OPHN1: variants seen among roughly 807,000 people sequenced by gnomAD.
The protein encoded by OPHN1 is oligophrenin-1.
A neutral mutation model predicts 60.7 loss-of-function variants in OPHN1; 11 were observed. That is an observed-to-expected ratio of 0.18 (90% CI 0.11 to 0.30). The LOEUF is 0.30. Ranked by LOEUF, OPHN1 falls within the 10% of genes least tolerant of loss-of-function variation. The pLI, the probability that OPHN1 is intolerant of heterozygous loss-of-function variation, is 1.00. For missense variants in OPHN1, 449 were observed against 611.0 expected (o/e 0.73, Z 2.80); for synonymous variants, 226 against 222.6 (o/e 1.02, Z -0.14).
intron 19 of OPHN1, among the ~76,000 whole-genome samples, chrX:68,091,151 A>T (rs1208928184): frequency 9.0e-6 from 1 of 111,464 alleles, no homozygotes; most frequent in African/African-American, 3.3e-5. Flanking sequence ...GCCACTTACT[A>T]CACTCAATGC....
chrX:68,359,632 G>A (rs778375895), intron 2 of OPHN1, among the ~76,000 whole-genome samples: 25 of 109,795 alleles, frequency 2.3e-4, no homozygotes, highest in Admixed American at 3.9e-4. Flanking sequence ...CAAGGTGGGC[G>A]GATCACGAGG....
In OPHN1 at chrX:68,388,459, C is replaced by CA. The variant is rs779652561; in HGVS notation, c.154+44407dup. 8.3e-3 allele frequency among the ~76,000 whole-genome samples: 506 copies of CA among 60,734 alleles called. 2 individuals are homozygous for CA. The highest frequency in any genetic ancestry group is 0.012 in the South Asian group (16 of 1,389). 52.7% of individuals were successfully genotyped at this position (60,734 alleles called of 115,157 possible). On this transcript the variant is annotated intron_variant, in intron 2 of 24. Coordinates refer to ENST00000355520, the MANE Select transcript of OPHN1 (RefSeq NM_002547.3). ...TGGGTGATAGAGGGAGACTCTGTCTCAAAAAAAAAAAAAAAGAAGTTTGGT... is the reference window on the plus strand; with the variant it reads ...TGGGTGATAGAGGGAGACTCTGTCTCAAAAAAAAAAAAAAAAGAAGTTTGGT...
chrX:68,331,459 C>T (rs1487789576), intron 2 of OPHN1, among the ~76,000 whole-genome samples: 2 of 109,456 alleles, frequency 1.8e-5, no homozygotes, highest in East Asian at 2.9e-4. Context: ...GGGCCAGGTG[C>T]GGTGGCTCAA....
chrX:68,088,573 A>T (rs1229795874), intron 19 of OPHN1, among the ~76,000 whole-genome samples: 2 of 111,660 alleles, frequency 1.8e-5, no homozygotes, highest in Non-Finnish European at 3.8e-5. Flanking sequence ...GACTTAGTAG[A>T]TACCAAGGTA....
Position 68,225,031 on chromosome X carries a change from C to T in OPHN1, c.486+9456G>A, listed in dbSNP as rs776005969. On this transcript the variant is annotated intron_variant, in intron 6 of 24. Coordinates refer to ENST00000355520, the MANE Select transcript of OPHN1 (RefSeq NM_002547.3). ...TCGGGACACTCCCACCCTAATACTG[C>T]GCTTTTCCAACGGTCTTAGCAAATG... Among the ~76,000 whole-genome samples the T allele has an allele frequency of 8.0e-5, 9 of 112,287 alleles. No homozygotes were observed. The East Asian group carries it at 8.5e-4, about 11-fold the overall frequency.
At chrX:68,239,417 G>A (rs1054112347) in intron 5 of OPHN1, among the ~76,000 whole-genome samples, 4 of 110,939 alleles carry the variant, frequency 3.6e-5, no homozygotes, top group Admixed American at 9.6e-5. Flanking sequence ...GGGTGGTCTT[G>A]GAAAATGCAA....
intron 6 of OPHN1, among the ~76,000 whole-genome samples, chrX:68,218,475 T>C (rs1602244417): frequency 9.3e-6 from 1 of 107,260 alleles, no homozygotes. Context: ...GACACATAAT[T>C]GTCAGATTCA....
At chrX:68,224,263 C>A (rs7054997) in intron 6 of OPHN1, among the ~76,000 whole-genome samples, 6,276 of 111,614 alleles carry the variant, frequency 0.056, 429 homozygotes, top group African/African-American at 0.19. Flanking sequence ...AATTAGACCA[C>A]AATTAAATTA....
chrX:68,137,698 C>T (rs781630870), intron 15 of OPHN1, among the ~76,000 whole-genome samples: 1 of 111,695 alleles, frequency 9.0e-6, no homozygotes, highest in South Asian at 3.8e-4. Context: ...AATAGTTGTG[C>T]ATTAGAAAAC....
intron 10 of OPHN1, among the ~76,000 whole-genome samples, 187 bp from the exon 11 acceptor site, chrX:68,201,897 C>T (rs999718064): frequency 1.8e-5 from 2 of 111,756 alleles, no homozygotes; most frequent in Middle Eastern, 4.6e-3. Flanking sequence ...GGTTTCTCCC[C>T]GCTCCAAGAA....
Position 68,235,165 on chromosome X carries a change from G to A in OPHN1, c.385-577C>T, listed in dbSNP as rs748681793. On this transcript the variant is annotated intron_variant, in intron 5 of 24. Transcript: ENST00000355520. ...CTGGAAAGTTTAACTAGAAAGCAAG[G>A]GTTGTAAAGATTTGTGGCAGATGAA... Among the ~76,000 whole-genome samples the A allele has an allele frequency of 2.7e-5, 3 of 111,884 alleles. No individual in the cohort carries two copies. The South Asian group carries it at 1.1e-3, about 41-fold the overall frequency.
intron 2 of OPHN1, among the ~76,000 whole-genome samples, chrX:68,355,908 T>C (rs1329047119): frequency 9.0e-6 from 1 of 110,756 alleles, no homozygotes; most frequent in African/African-American, 3.3e-5. Context: ...TAGCTGGGTG[T>C]GGGTGGTGGC....
intron 5 of OPHN1, among the ~76,000 whole-genome samples, chrX:68,247,697 T>C (rs2077813244): frequency 9.3e-6 from 1 of 107,482 alleles, no homozygotes; most frequent in African/African-American, 3.4e-5. Flanking sequence ...GGCGGGAGGA[T>C]TGCTTGAGCC....
chrX:68,342,985 A>C (rs1424910344), intron 2 of OPHN1, among the ~76,000 whole-genome samples: 2 of 111,064 alleles, frequency 1.8e-5, no homozygotes, highest in African/African-American at 6.5e-5. Context: ...ACGAAGAAGA[A>C]GAAAAGTCTG....
chrX:68,054,249 T>A (rs970440523), intron 21 of OPHN1, among the ~76,000 whole-genome samples: 22 of 111,498 alleles, frequency 2.0e-4, no homozygotes, highest in African/African-American at 6.5e-4. Flanking sequence ...CCTTTTCACT[T>A]AGGCCTTGAC....
chrX:68,320,186 T>C (rs935830419), intron 2 of OPHN1, among the ~76,000 whole-genome samples: 27 of 110,185 alleles, frequency 2.5e-4, no homozygotes, highest in African/African-American at 8.6e-4. Context: ...TCCATCTATA[T>C]TAAAAATACA....
At chrX:68,281,960 G>T (rs181926325) in intron 4 of OPHN1, among the ~76,000 whole-genome samples, 145 of 112,320 alleles carry the variant, frequency 1.3e-3, no homozygotes, top group African/African-American at 4.5e-3. Context: ...GGAGCAACAG[G>T]ATCTCTGATT....
chrX:68,386,897 A>G (rs781024210), intron 2 of OPHN1, among the ~76,000 whole-genome samples: 1 of 111,928 alleles, frequency 8.9e-6, no homozygotes, highest in South Asian at 3.7e-4. Flanking sequence ...TTATAAACCA[A>G]AGAAGGAAGG....
At chrX:68,330,723 A>G (rs1364122491) in intron 2 of OPHN1, among the ~76,000 whole-genome samples, 1 of 108,194 alleles carries the variant, frequency 9.2e-6, no homozygotes, top group African/African-American at 3.3e-5. Flanking sequence ...TGCTAAGTGG[A>G]AAAAAAAACA....
Sources: gnomAD v4.1 joint callset for allele counts (sites outside exome capture counted in the v4.1 genomes callset) on GRCh38, gnomAD v4.1.1 for gene constraint, MANE v1.5 for transcripts, NCBI Gene and HGNC (gene_info 2026-07-23, HGNC 2026-07-21) for gene names.